Variants in ATP13A5 observed in about 807,000 individuals in gnomAD.
ATP13A5 encodes ATPase 13A5, also known as probable cation-transporting ATPase 13A5.
In ATP13A5, 149 loss-of-function variants were observed where a neutral mutation model predicts 150.2. That is an observed-to-expected ratio of 0.99 (90% CI 0.87 to 1.14). The LOEUF is 1.14. ATP13A5 is among the 50% of genes most tolerant of loss of function. ATP13A5 has a pLI of 0.00. For synonymous variants in ATP13A5, 497 were observed against 522.2 expected, an observed-to-expected ratio of 0.95 and a Z score of 0.66; for missense variants, 1,383 against 1,449.3, an observed-to-expected ratio of 0.95 and a Z score of 0.74.
Position 193,275,213 on chromosome 3 carries a change from C to G in ATP13A5, c.3486G>C (p.Lys1162Asn), listed in dbSNP as rs536822723. 328 of 1,614,172 alleles carry G rather than the reference C, an allele frequency of 2.0e-4. 3 individuals carry two copies. In the South Asian group the frequency reaches 3.4e-3, roughly 17 times the overall value. Residue 1162 changes from lysine (K) to asparagine (N), a missense_variant, in exon 30 of 30, where the codon AAG becomes AAC. By Grantham distance (94) the Lys-to-Asn change is moderately conservative. Coordinates refer to ENST00000342358, the MANE Select transcript of ATP13A5 (RefSeq NM_198505.4). ...GCCAGGTTGAGTCTTCTGCTAGCTT[C>G]TTTTGCCAAGTCCTATATTGACTTT... Reference protein sequence around the residue: ...YSKSQYRTWQKKLAEDSTWPP... With the variant: ...YSKSQYRTWQNKLAEDSTWPP...
chr3:193,294,174 C>G (rs1005555983), intron 25 of ATP13A5, among the ~76,000 whole-genome samples: 4 of 152,022 alleles, frequency 2.6e-5, no homozygotes, highest in African/African-American at 9.7e-5. Context: ...CAGATGGAAA[C>G]AGTAAGAATG....
chr3:193,356,756 C>A (rs1036612171), intron 5 of ATP13A5, among the ~76,000 whole-genome samples: 2 of 152,158 alleles, frequency 1.3e-5, no homozygotes, highest in Non-Finnish European at 2.9e-5. Context: ...ATAATGTATA[C>A]TTAAATGTCT....
Position 193,335,004 on chromosome 3 carries a change from G to A in ATP13A5, c.1039C>T (p.Leu347Phe). ...TGGATAACTTCTGTTCCACAGAAAA[G>A]GACGTGTTTCCTATAATCCTCCAAA... ...HSLEDYRKHV[L>F]FCGTEVIQVK... Residue 347 changes from leucine (L) to phenylalanine (F), a missense_variant, in exon 10 of 30, where the codon CTT (leucine) becomes TTT (phenylalanine). Around this residue, in one of 3 missense-constraint regions of ATP13A5, gnomAD observed 787 missense variants for 771.9 expected, o/e 1.02. Coordinates refer to ENST00000342358, the MANE Select transcript of ATP13A5 (RefSeq NM_198505.4). The A allele has an allele frequency of 6.2e-7, 1 of 1,613,932 alleles. No individual in the cohort carries two copies. The highest frequency in any genetic ancestry group is 2.2e-5 in the East Asian group (1 of 44,870).
At chr3:193,327,662 T>A (rs1719513063) in intron 12 of ATP13A5, among the ~76,000 whole-genome samples, 1 of 152,234 alleles carries the variant, frequency 6.6e-6, no homozygotes, top group Non-Finnish European at 1.5e-5. Flanking sequence ...AGAGATTTGA[T>A]TCGCCATACT....
chr3:193,355,813 C>T (rs769662344), intron 5 of ATP13A5, among the ~76,000 whole-genome samples: 2 of 152,220 alleles, frequency 1.3e-5, no homozygotes, highest in Non-Finnish European at 2.9e-5. Flanking sequence ...AGTGTCAGAA[C>T]TTAGGACCCC....
chr3:193,315,117 C>T, intron 17 of ATP13A5, 21 bp from the exon 18 acceptor site: 10 of 1,603,402 alleles, frequency 6.2e-6, no homozygotes, highest in Non-Finnish European at 8.5e-6. Flanking sequence ...AGGAGAAAAT[C>T]AATATTAAAG....
At chr3:193,331,439 A>C (rs1194364126) in intron 11 of ATP13A5, 128 bp from the exon 12 acceptor site, 2 of 785,090 alleles carry the variant, frequency 2.5e-6, no homozygotes, top group African/African-American at 3.5e-5. Flanking sequence ...CCCTACTCCC[A>C]GTCCACCAAC....
chr3:193,360,943 C>T (rs1712984775), intron 5 of ATP13A5, among the ~76,000 whole-genome samples: 1 of 152,204 alleles, frequency 6.6e-6, no homozygotes, highest in African/African-American at 2.4e-5. Flanking sequence ...TCCCAAAGTG[C>T]TGGGATTACA....
At chr3:193,373,666 C>A (rs1577378436) in intron 1 of ATP13A5, among the ~76,000 whole-genome samples, 1 of 152,134 alleles carries the variant, frequency 6.6e-6, no homozygotes, top group Admixed American at 6.5e-5. Flanking sequence ...ATAGCCCTTT[C>A]CATATCTCGC....
chr3:193,343,062 T>C (rs1712189575), intron 9 of ATP13A5, among the ~76,000 whole-genome samples: 1 of 152,204 alleles, frequency 6.6e-6, no homozygotes, highest in Non-Finnish European at 1.5e-5. Flanking sequence ...CATTTTAATG[T>C]AAAATCTGCT....
intron 11 of ATP13A5, among the ~76,000 whole-genome samples, chr3:193,333,142 CACACACACACACACAA>C (rs1455879675): frequency 8.0e-4 from 118 of 148,140 alleles, no homozygotes; most frequent in African/African-American, 2.9e-3. Flanking sequence ...CTCTCTCTCA[CACACACACACACACAA>C]ACACACACAC....
At chr3:193,349,255 C>T (rs1712471002) in intron 7 of ATP13A5, among the ~76,000 whole-genome samples, 1 of 152,116 alleles carries the variant, frequency 6.6e-6, no homozygotes, top group African/African-American at 2.4e-5. Context: ...TCCTCTAATT[C>T]CTTTTCTGTT....
rs768854523 is a variant in ATP13A5 at position 193,314,030 on chromosome 3, C to T, written c.2319+3G>A. 2 of 1,612,390 alleles carry T rather than the reference C, an allele frequency of 1.2e-6. No homozygotes were observed. The highest frequency in any genetic ancestry group is 1.7e-6 in the Non-Finnish European group (2 of 1,179,736). ...ACGGAGGGGCCTTCTAACATTTGCT[C>T]ACTTTCTTCCCAGGTCCAGTCTCTT... On this transcript the variant is annotated splice_donor_region_variant and intron_variant, in intron 19 of 29. Transcript: ENST00000342358.
chr3:193,343,074 G>A (rs930906275), intron 9 of ATP13A5, among the ~76,000 whole-genome samples: 16 of 152,102 alleles, frequency 1.1e-4, no homozygotes, highest in African/African-American at 3.9e-4. Flanking sequence ...AAATCTGCTT[G>A]TGTTGAACAA....
rs376601293 is a variant in ATP13A5 at position 193,374,459 on chromosome 3, G to A, written c.63+4204C>T. 7.2e-4 allele frequency among the ~76,000 whole-genome samples: 109 copies of A among 152,150 alleles called. 1 individual carries two copies. Among genetic ancestry groups the A allele is most frequent in the African/African-American group, 2.3e-3 (95 of 41,524 alleles). The stretch of plus-strand genomic sequence containing the variant: ...GGAGTTTGAGACCAGCCTGGAAAAC[G>A]TAGGGAGACCTCGTCTCTACTGAAA... On this transcript the variant is annotated intron_variant, in intron 1 of 29. Transcript: ENST00000342358.
chr3:193,375,983 C>G (rs1045514275), intron 1 of ATP13A5, among the ~76,000 whole-genome samples: 4 of 152,106 alleles, frequency 2.6e-5, no homozygotes, highest in African/African-American at 4.8e-5. Flanking sequence ...ATAATGAATG[C>G]GAGTAGAAGT....
At chr3:193,356,560 C>T (rs1049372704) in intron 5 of ATP13A5, among the ~76,000 whole-genome samples, 1 of 151,810 alleles carries the variant, frequency 6.6e-6, no homozygotes, top group African/African-American at 2.4e-5. Context: ...GCCTGGGCAA[C>T]AAAGGGAGAC....
intron 1 of ATP13A5, among the ~76,000 whole-genome samples, chr3:193,378,054 T>A: frequency 7.1e-6 from 1 of 140,894 alleles, no homozygotes; most frequent in East Asian, 2.1e-4. Context: ...AGTTTTCAAC[T>A]TTTTAATTAT....
chr3:193,318,918 C>A, intron 17 of ATP13A5, 73 bp downstream of exon 17: 2 of 1,022,820 alleles, frequency 2.0e-6, no homozygotes, highest in African/African-American at 1.6e-5. Flanking sequence ...TAGAACTGTT[C>A]ATCTGTTCAT....
Sources: allele counts gnomAD v4.1 joint callset (sites outside exome capture counted in the v4.1 genomes callset), GRCh38; gene constraint gnomAD v4.1.1; regional missense constraint gnomAD v4.1.1; transcripts MANE v1.5; gene names NCBI Gene and HGNC (gene_info 2026-07-23, HGNC 2026-07-21).